Variants in ZNF347 observed in about 807,000 individuals in gnomAD.
ZNF347 encodes zinc finger protein 347.
ZNF347 carries 19 observed loss-of-function variants against 12.9 expected under a neutral mutation model. The observed-to-expected ratio is 1.47, with a 90% CI of 1.03 to 2.16. The LOEUF (loss-of-function observed/expected upper bound fraction) is 2.16. Ranked by LOEUF, ZNF347 falls within the 30% of genes most tolerant of loss-of-function variation. The probability of loss-of-function intolerance (pLI) is 0.00; values close to 1 mark genes in which losing one functional copy is unlikely to be tolerated. For missense variants in ZNF347, 1,005 were observed against 990.6 expected (o/e 1.01, Z -0.19); for synonymous variants, 328 against 340.6 (o/e 0.96, Z 0.41).
intron 3 of ZNF347, 104 bp downstream of exon 3, chr19:53,149,137 C>G: frequency 6.4e-7 from 1 of 1,564,612 alleles, no homozygotes; most frequent in Non-Finnish European, 8.6e-7. Context: ...GTCAACACAG[C>G]TTCAGTCTCA....
intron 1 of ZNF347, among the ~76,000 whole-genome samples, chr19:53,155,330 G>T (rs1568644913): frequency 7.2e-6 from 1 of 138,016 alleles, no homozygotes; most frequent in African/African-American, 3.0e-5. Flanking sequence ...GTGTGTGTGT[G>T]TGTGTTTGTT....
In ZNF347 at chr19:53,153,062, T is replaced by C. The variant is rs113923899; in HGVS notation, c.15+671A>G. 8.4e-3 allele frequency among the ~76,000 whole-genome samples: 1,273 copies of C among 152,310 alleles called. 17 individuals carry two copies. The highest frequency in any genetic ancestry group is 0.026 in the African/African-American group (1,092 of 41,560). ...TCACCTAGCACCAGTTGCACAAGGG[T>C]CCCTGCAGAAACACCAGTCTCCATT... On this transcript the variant is annotated intron_variant, in intron 2 of 4. Transcript: ENST00000334197.
intron 1 of ZNF347, among the ~76,000 whole-genome samples, chr19:53,156,068 G>A (rs1206060049): frequency 7.0e-6 from 1 of 143,504 alleles, no homozygotes; most frequent in Non-Finnish European, 1.5e-5. Flanking sequence ...GGGTTAGGCG[G>A]GGGTCCTACA....
At chr19:53,153,916 C>G in intron 1 of ZNF347, 123 bp from the exon 2 acceptor site, 1 of 696,498 alleles carries the variant, frequency 1.4e-6, no homozygotes, top group Non-Finnish European at 2.4e-6. Context: ...GGGAAGACCT[C>G]ACCCTGTGGA....
intron 1 of ZNF347, among the ~76,000 whole-genome samples, chr19:53,157,514 T>C (rs1391301052): frequency 1.3e-5 from 2 of 152,144 alleles, no homozygotes; most frequent in Non-Finnish European, 2.9e-5. Context: ...CGCTTGCACC[T>C]GTTCTGTCCC....
rs755476960 is a variant in ZNF347, at chr19:53,142,434, T to C, written c.394A>G (p.Arg132Gly). The change falls in exon 5 of 5, where the codon AGG becomes GGG. Residue 132 changes from arginine to glycine, a missense_variant. Transcript: ENST00000334197. ...CCATGTGTATTTTTCTGGACTTCCC[T>C]GAAGGAACATCCTTCAATGTCTTGG... ...ESQDIEGCSF[R>G]EVQKNTHGLE... 6 of 1,614,146 alleles carry C rather than the reference T, an allele frequency of 3.7e-6. No individual in the cohort carries two copies. Among genetic ancestry groups the C allele is most frequent in the Non-Finnish European group, 5.1e-6 (6 of 1,179,994 alleles).
intron 4 of ZNF347, 76 bp from the exon 5 acceptor site, chr19:53,142,632 T>A (rs890610845): frequency 8.6e-7 from 1 of 1,162,706 alleles, no homozygotes; most frequent in South Asian, 1.8e-5. Context: ...AAAAACAATA[T>A]TACACCGAAA....
At position 53,140,098 on chromosome 19, in the gene ZNF347, C is replaced by A. The variant is rs950099182; in HGVS notation, c.*210G>T. ...TACTTTTAGTAGAAATGGGGTTTCGCCATGTTGGTCAGGCTGGTCTTGAAC... is the reference window on the plus strand; with the variant it reads ...TACTTTTAGTAGAAATGGGGTTTCGACATGTTGGTCAGGCTGGTCTTGAAC... On this transcript the variant is annotated 3_prime_UTR_variant, in exon 5 of 5. Coordinates refer to ENST00000334197, the MANE Select transcript of ZNF347 (RefSeq NM_032584.3). 6.0e-6 allele frequency: 3 copies of A among 500,866 alleles called. No individual in the cohort carries two copies. Among genetic ancestry groups the A allele is most frequent in the Non-Finnish European group, 1.0e-5 (3 of 287,860 alleles). 31.0% of individuals were successfully genotyped at this position (500,866 alleles called of 1,614,324 possible). A position where few individuals can be genotyped will look rare whatever the true frequency, so the allele number is the denominator to read the frequency against.
Position 53,142,230 on chromosome 19 carries a change from A to G in ZNF347, c.598T>C (p.Tyr200His), listed in dbSNP as rs1358436907. The change falls in exon 5 of 5, where the codon TAT (tyrosine) becomes CAT (histidine). Residue 200 changes from tyrosine (Y) to histidine (H), a missense_variant. Tyr to His is a moderately conservative substitution (Grantham distance 83). Transcript: ENST00000334197. ...TTACATTCATAAATTTTCCCTTCAT[A>G]TTGAAAAAGCTGCAGTTCAGGCAGA... is the stretch of plus-strand genomic sequence containing the variant. ...SHLPELQLFQ[Y>H]EGKIYECNQV... The G allele has an allele frequency of 1.9e-6, 3 of 1,613,008 alleles. No individual in the cohort carries two copies. Among genetic ancestry groups the G allele is most frequent in the East Asian group, 4.5e-5 (2 of 44,878 alleles).
Position 53,140,611 on chromosome 19 carries a change from G to T in ZNF347, c.2217C>A (p.Cys739Ter), listed in dbSNP as rs151303414. 1.6e-5 allele frequency: 25 copies of T among 1,599,964 alleles called. No individual in the cohort carries two copies. The highest frequency in any genetic ancestry group is 1.9e-5 in the Non-Finnish European group (22 of 1,174,636). The change falls in exon 5 of 5, where the codon TGC becomes TGA. Residue 739 changes from cysteine (C) to a stop codon, truncating the protein, a stop_gained. Coordinates refer to ENST00000334197, the MANE Select transcript of ZNF347 (RefSeq NM_032584.3). LOFTEE classifies it low-confidence loss of function (END_TRUNC). ...GAGTGAAGACCTTCCCACACTCATT[G>T]CATTTGTAAGGTTTTTTTCCAGTAT... ...AIHTGKKPYK[C>*]NECGKVFTQN... is the part of the protein sequence containing the mutation.
intron 1 of ZNF347, among the ~76,000 whole-genome samples, chr19:53,157,136 T>C (rs2090540915): frequency 1.3e-5 from 2 of 152,196 alleles, no homozygotes; most frequent in Non-Finnish European, 2.9e-5. Context: ...GTTTGAATAG[T>C]GATTGCAAAT....
In ZNF347 at chr19:53,140,768, C is replaced by T. The variant is rs914573208; in HGVS notation, c.2060G>A (p.Gly687Asp). Residue 687 changes from glycine (G) to aspartate (D), a missense_variant, in exon 5 of 5, where the codon GGC (glycine) becomes GAC (aspartate). Coordinates refer to ENST00000334197, the MANE Select transcript of ZNF347 (RefSeq NM_032584.3). ...GGKPYQCNEC[G>D]KAFSQTSKLA... ...CTTTGATGTTTGACTAAAGGCTTTG[C>T]CACATTCATTACACTGGTAAGGTTT... 1.9e-6 allele frequency: 3 copies of T among 1,612,262 alleles called. No homozygotes were observed. The highest frequency in any genetic ancestry group is 2.5e-6 in the Non-Finnish European group (3 of 1,179,074).
chr19:53,145,808 T>A (rs2090459134), intron 4 of ZNF347, among the ~76,000 whole-genome samples: 2 of 150,524 alleles, frequency 1.3e-5, no homozygotes, highest in African/African-American at 2.5e-5. Context: ...AAACAGTAAG[T>A]CAACAAATAA....
At chr19:53,153,818 A>C in intron 1 of ZNF347, 25 bp from the exon 2 acceptor site, 1 of 1,587,350 alleles carries the variant, frequency 6.3e-7, no homozygotes, top group Non-Finnish European at 8.6e-7. Context: ...AAGTGCCTTT[A>C]GAAGTCAATA....
intron 2 of ZNF347, among the ~76,000 whole-genome samples, chr19:53,150,434 G>A (rs112535777): frequency 7.9e-5 from 12 of 152,310 alleles, no homozygotes; most frequent in African/African-American, 2.9e-4. Context: ...TTCTATAAGA[G>A]GTTATGATAG....
chr19:53,146,881 T>C (rs1309095527), intron 4 of ZNF347, among the ~76,000 whole-genome samples: 2 of 151,636 alleles, frequency 1.3e-5, no homozygotes, highest in Non-Finnish European at 2.9e-5. Flanking sequence ...AAAAATTTCA[T>C]GTAGAAGAAA....
rs528684274 is a variant in ZNF347 at position 53,140,167 on chromosome 19, TG to T, written c.*140del. On this transcript the variant is annotated 3_prime_UTR_variant, in exon 5 of 5. Coordinates refer to ENST00000334197, the MANE Select transcript of ZNF347 (RefSeq NM_032584.3). ...CACCTGCCTCGGACTCCCAAAGTGTTGGGATTACAGGCATGAGCCACTGCAC... is the reference window on the plus strand; with the variant it reads ...CACCTGCCTCGGACTCCCAAAGTGTTGGATTACAGGCATGAGCCACTGCAC... 6.4e-4 allele frequency: 530 copies of T among 832,404 alleles called. 1 individual carries two copies. In the African/African-American group the frequency reaches 8.3e-3, roughly 13 times the overall value. 51.6% of individuals were successfully genotyped at this position (832,404 alleles called of 1,614,324 possible).
intron 4 of ZNF347, among the ~76,000 whole-genome samples, chr19:53,143,127 G>A (rs1231514902): frequency 6.6e-6 from 1 of 152,084 alleles, no homozygotes; most frequent in Admixed American, 6.6e-5. Context: ...AGAAGGGAAC[G>A]AACATGCACA....
At chr19:53,152,584 AGAGT>A (rs1345268560) in intron 2 of ZNF347, among the ~76,000 whole-genome samples, 1 of 152,140 alleles carries the variant, frequency 6.6e-6, no homozygotes, top group Non-Finnish European at 1.5e-5. Context: ...CCTGGGCAAC[AGAGT>A]GAGACTCTGT....
Sources: allele counts gnomAD v4.1 joint callset (sites outside exome capture counted in the v4.1 genomes callset), GRCh38; gene constraint gnomAD v4.1.1; transcripts MANE v1.5; gene names NCBI Gene and HGNC (gene_info 2026-07-23, HGNC 2026-07-21).